Variants in RACGAP1 observed in about 807,000 individuals in gnomAD.
RACGAP1 encodes the protein Rac GTPase activating protein 1.
A neutral mutation model predicts 78.1 loss-of-function variants in RACGAP1; 30 were observed. The ratio of observed to expected loss-of-function variants is 0.38; its 90% CI spans 0.29 to 0.52. The LOEUF is 0.52. Among genes scored for constraint, RACGAP1 ranks in the 20% least tolerant of loss-of-function variants. RACGAP1 has a pLI of 0.82. For synonymous variants in RACGAP1, 231 were observed against 264.8 expected (o/e 0.87, Z 1.24); for missense variants, 587 against 777.1 (o/e 0.76, Z 2.91).
Position 49,992,639 on chromosome 12 carries a change from G to T in RACGAP1, c.1356C>A (p.Asp452Glu), listed in dbSNP as rs554358139. Residue 452 changes from aspartate (D) to glutamate (E), a missense_variant, in exon 13 of 17, where the codon GAC becomes GAA. By Grantham distance (45) the Asp-to-Glu change is conservative. Coordinates refer to ENST00000312377, the MANE Select transcript of RACGAP1 (RefSeq NM_001319999.2). ...FMEAAEITDE[D>E]NSIAAMYQAV... Reference sequence around the variant, plus strand: ...CTTGGTACATGGCAGCTATGCTGTTGTCTTCATCTGTGATTTCTGTAATTG... The same window carrying T: ...CTTGGTACATGGCAGCTATGCTGTTTTCTTCATCTGTGATTTCTGTAATTG... 5.5e-5 allele frequency: 89 copies of T among 1,611,486 alleles called. 1 individual carries two copies. The South Asian group carries it at 9.5e-4, about 17-fold the overall frequency.
chr12:49,997,749 T>C (rs1948402369), intron 9 of RACGAP1, among the ~76,000 whole-genome samples: 1 of 151,732 alleles, frequency 6.6e-6, no homozygotes, highest in Admixed American at 6.6e-5. Flanking sequence ...GGCTAATTTT[T>C]ATATTGTTAG....
chr12:50,006,313 G>A (rs2137446756), intron 3 of RACGAP1, 121 bp downstream of exon 3: 1 of 1,049,590 alleles, frequency 9.5e-7, no homozygotes, highest in Non-Finnish European at 1.4e-6. Context: ...TTAAAGAACA[G>A]GTCACTTTCA....
At chr12:49,995,137 T>C (rs928034250) in intron 10 of RACGAP1, among the ~76,000 whole-genome samples, 1 of 151,874 alleles carries the variant, frequency 6.6e-6, no homozygotes, top group African/African-American at 2.4e-5. Flanking sequence ...TCACCTGAGG[T>C]CAGGAGTTCG....
upstream of RACGAP1, chr12:50,025,587 C>A: frequency 1.0e-6 from 1 of 969,392 alleles, no homozygotes; most frequent in Non-Finnish European, 1.2e-6. Context: ...GTGACGGGAA[C>A]GGGAATGAGC....
chr12:49,992,638 TG>T lies in RACGAP1; in HGVS notation c.1356del (p.Asp452GlufsTer4). The T allele has an allele frequency of 6.2e-7, 1 of 1,611,610 alleles. No individual in the cohort carries two copies. Among genetic ancestry groups the T allele is most frequent in the South Asian group, 1.1e-5 (1 of 90,402 alleles). On this transcript the variant is annotated frameshift_variant, in exon 13 of 17. Transcript: ENST00000312377. LOFTEE classifies it high-confidence loss of function. ...FMEAAEITDE[D>X]NSIAAMYQAV... ...GCTTGGTACATGGCAGCTATGCTGT[TG>T]TCTTCATCTGTGATTTCTGTAATTG...
At chr12:50,028,506 C>T (rs630107), upstream of RACGAP1, among the ~76,000 whole-genome samples, 1,387 of 152,308 alleles carry the variant, frequency 9.1e-3, 11 homozygotes, top group Non-Finnish European at 0.014. Flanking sequence ...AGGTGGCTTA[C>T]GCCTGTAATC....
At chr12:49,998,728 GTC>G (rs1042029620) in intron 9 of RACGAP1, among the ~76,000 whole-genome samples, 6 of 151,870 alleles carry the variant, frequency 4.0e-5, no homozygotes, top group Admixed American at 3.3e-4. Flanking sequence ...GCAAGACCAA[GTC>G]TCTACAAAAA....
intron 2 of RACGAP1, among the ~76,000 whole-genome samples, chr12:50,010,270 C>T (rs115055941): frequency 5.3e-4 from 81 of 151,622 alleles, no homozygotes; most frequent in African/African-American, 1.9e-3. Flanking sequence ...AAAATATTAA[C>T]TTTCATTCTG....
chr12:50,031,917 G>T (rs1395235580), intron 1 of RACGAP1: 5 of 217,888 alleles, frequency 2.3e-5, no homozygotes, highest in East Asian at 3.7e-4. Context: ...GGGAGGCCAA[G>T]GAGGGTGGAT....
intron 2 of RACGAP1, among the ~76,000 whole-genome samples, chr12:50,006,874 C>T (rs1949007691): frequency 6.6e-6 from 1 of 152,166 alleles, no homozygotes; most frequent in Non-Finnish European, 1.5e-5. Context: ...TAGCCAGTGG[C>T]ATCTGCTATG....
chr12:50,019,371 C>G (rs1435730982), intron 1 of RACGAP1, among the ~76,000 whole-genome samples: 1 of 152,092 alleles, frequency 6.6e-6, no homozygotes. Flanking sequence ...TTACATGCGG[C>G]ACTACTATAT....
chr12:50,025,972 A>G (rs1352199232), upstream of RACGAP1, among the ~76,000 whole-genome samples: 2 of 152,246 alleles, frequency 1.3e-5, no homozygotes, highest in African/African-American at 4.8e-5. Flanking sequence ...TCCACTGGGA[A>G]TCGGAAAAAT....
upstream of RACGAP1, among the ~76,000 whole-genome samples, chr12:50,026,174 T>C (rs377200625): frequency 2.0e-5 from 3 of 152,296 alleles, no homozygotes; most frequent in East Asian, 3.9e-4. Flanking sequence ...GAAATACATT[T>C]TACGTTGCAA....
chr12:49,990,400 C>A, intron 16 of RACGAP1, 57 bp from the exon 17 acceptor site: 6 of 1,431,282 alleles, frequency 4.2e-6, no homozygotes, highest in Non-Finnish European at 5.9e-6. Flanking sequence ...GTTGAATAAA[C>A]AACTATAATA....
At chr12:50,020,303 G>A (rs1266292978) in intron 1 of RACGAP1, among the ~76,000 whole-genome samples, 4 of 151,510 alleles carry the variant, frequency 2.6e-5, no homozygotes, top group African/African-American at 4.9e-5. Context: ...TCAGCCTCCC[G>A]AGTAGCTGGG....
At chr12:50,011,868 G>A (rs1949353365) in intron 2 of RACGAP1, among the ~76,000 whole-genome samples, 1 of 150,758 alleles carries the variant, frequency 6.6e-6, no homozygotes, top group South Asian at 2.1e-4. Context: ...GCAAGAGAAT[G>A]GCGTGAATCT....
chr12:50,016,587 G>C (rs770517390), intron 2 of RACGAP1, 44 bp downstream of exon 2: 17 of 1,565,096 alleles, frequency 1.1e-5, no homozygotes, highest in Non-Finnish European at 1.4e-5. Context: ...TCCCAAATTT[G>C]AAATCTGTTT....
chr12:50,018,451 C>T, intron 1 of RACGAP1: 1 of 975,148 alleles, frequency 1.0e-6, no homozygotes, highest in Non-Finnish European at 1.4e-6. Flanking sequence ...TTAAAACCGG[C>T]AGGAAGAGCT....
chr12:50,011,608 A>G (rs1300562737), intron 2 of RACGAP1, among the ~76,000 whole-genome samples: 1 of 152,044 alleles, frequency 6.6e-6, no homozygotes, highest in Non-Finnish European at 1.5e-5. Context: ...GTAGTTTGGG[A>G]GACAAAATAA....
Sources: gnomAD v4.1 joint callset for allele counts (sites outside exome capture counted in the v4.1 genomes callset) on GRCh38, gnomAD v4.1.1 for gene constraint, MANE v1.5 for transcripts, NCBI Gene and HGNC (gene_info 2026-07-23, HGNC 2026-07-21) for gene names.